Variants in A4GALT observed in about 807,000 individuals in gnomAD.
A4GALT encodes the protein lactosylceramide 4-alpha-galactosyltransferase.
For synonymous variants in A4GALT, 257 were observed against 220.7 expected (o/e 1.16, Z -1.46); for missense variants, 512 against 486.0 (o/e 1.05, Z -0.50).
At chr22:42,696,121 C>CAAAAAAAAAAAAAAAAAAAA (rs1296048741) in intron 1 of A4GALT, among the ~76,000 whole-genome samples, 2 of 53,906 alleles carry the variant, frequency 3.7e-5, no homozygotes, top group Non-Finnish European at 6.2e-5. Context: ...GACTCTATCT[C>CAAAAAAAAAAAAAAAAAAAA]AAAAAAAAAA....
chr22:42,719,148 A>T (rs1418164085), intron 1 of A4GALT, among the ~76,000 whole-genome samples: 1 of 152,256 alleles, frequency 6.6e-6, no homozygotes, highest in Non-Finnish European at 1.5e-5. Flanking sequence ...TAATGGACCC[A>T]TTAACCTAGC....
chr22:42,694,419 C>G (rs1364161614), intron 2 of A4GALT: 1 of 196,442 alleles, frequency 5.1e-6, no homozygotes, highest in Non-Finnish European at 1.1e-5. Flanking sequence ...GCTCCATAAA[C>G]CAGGCCTGGG....
At chr22:42,704,117 C>T (rs543886770) in intron 1 of A4GALT, among the ~76,000 whole-genome samples, 10 of 152,240 alleles carry the variant, frequency 6.6e-5, no homozygotes, top group African/African-American at 2.4e-4. Flanking sequence ...TCTTTCAAGG[C>T]ACAAATAAAT....
chr22:42,709,067 A>ATATATATATATATATATTTT (rs1180529043), intron 1 of A4GALT, among the ~76,000 whole-genome samples: 14 of 128,830 alleles, frequency 1.1e-4, no homozygotes, highest in Non-Finnish European at 8.4e-5. Context: ...ATATATATAT[A>ATATATATATATATATATTTT]TTTTTTTTAA....
At chr22:42,696,394 T>G (rs1930935896) in intron 1 of A4GALT, among the ~76,000 whole-genome samples, 1 of 143,118 alleles carries the variant, frequency 7.0e-6, no homozygotes, top group African/African-American at 2.6e-5. Context: ...CACTCCAGCC[T>G]GGACATCAAG....
At chr22:42,699,424 C>T (rs1375606880) in intron 1 of A4GALT, among the ~76,000 whole-genome samples, 4 of 152,186 alleles carry the variant, frequency 2.6e-5, no homozygotes, top group African/African-American at 4.8e-5. Context: ...CTTTGCACTG[C>T]GGACTCATCC....
In A4GALT at chr22:42,692,825, C is replaced by T. The variant is rs758335862; in HGVS notation, c.*65G>A. 1.9e-6 allele frequency: 3 copies of T among 1,584,358 alleles called. No homozygotes were observed. Among genetic ancestry groups the T allele is most frequent in the Non-Finnish European group, 1.7e-6 (2 of 1,168,262 alleles). Reference sequence around the variant, plus strand: ...CCCTCTCCCGGGCCCTCAATCTTGCCTCCCCGGGAAGGGCGGCCCAGTGCC... The same window carrying T: ...CCCTCTCCCGGGCCCTCAATCTTGCTTCCCCGGGAAGGGCGGCCCAGTGCC... On this transcript the variant is annotated 3_prime_UTR_variant, in exon 3 of 3. Transcript: ENST00000642412. The surrounding 1 kb of genome is among the most constrained non-coding windows in gnomAD (Gnocchi z 4.6).
chr22:42,710,733 T>TAAGA (rs1555888040), intron 1 of A4GALT, among the ~76,000 whole-genome samples: 8 of 139,390 alleles, frequency 5.7e-5, no homozygotes, highest in Admixed American at 1.4e-4. Context: ...AATAAATAAA[T>TAAGA]AAGAACAATG....
intron 1 of A4GALT, among the ~76,000 whole-genome samples, chr22:42,709,697 C>T (rs73174947): frequency 0.12 from 18,300 of 151,780 alleles, 1,269 homozygotes; most frequent in African/African-American, 0.19. Context: ...GGCTGAGATA[C>T]GAGAATCGCT....
At position 42,693,460 on chromosome 22, in the gene A4GALT, C is replaced by G; in HGVS notation, c.492G>C (p.Gly164=). The G allele has an allele frequency of 1.2e-6, 2 of 1,613,190 alleles. No individual in the cohort carries two copies. Among genetic ancestry groups the G allele is most frequent in the Non-Finnish European group, 1.7e-6 (2 of 1,179,982 alleles). The change falls in exon 3 of 3, where the codon GGG becomes GGC. Residue 164 remains glycine, a synonymous_variant. Transcript: ENST00000642412. ...CGGGCAGCAGGTAGGGCTCCCAGCG[C>G]CCCTGCACGGCCGCGTACCAGTCGG... ...PLADWYAAVQ[G]RWEPYLLPVL...
chr22:42,713,454 A>G (rs532970547), intron 1 of A4GALT, among the ~76,000 whole-genome samples: 2 of 152,334 alleles, frequency 1.3e-5, no homozygotes, highest in East Asian at 1.9e-4. Context: ...ACAACAGGGA[A>G]GAGAAGGATT....
At chr22:42,699,319 A>C (rs1485760952) in intron 1 of A4GALT, among the ~76,000 whole-genome samples, 3 of 152,102 alleles carry the variant, frequency 2.0e-5, no homozygotes, top group Non-Finnish European at 4.4e-5. Flanking sequence ...TCCTGACCTC[A>C]AGTGATCCGC....
In A4GALT at chr22:42,692,442, G is replaced by T. The variant is rs1177655206; in HGVS notation, c.*448C>A. 6.5e-6 allele frequency: 2 copies of T among 306,222 alleles called. No homozygotes were observed. Among genetic ancestry groups the T allele is most frequent in the Non-Finnish European group, 1.3e-5 (2 of 155,402 alleles). 19.0% of individuals were successfully genotyped at this position (306,222 alleles called of 1,614,324 possible). On this transcript the variant is annotated 3_prime_UTR_variant, in exon 3 of 3. Transcript: ENST00000642412. The surrounding 1 kb of genome is among the most constrained non-coding windows in gnomAD (Gnocchi z 4.6). ...AAAAGAACAAAGCATCCTCCGCCCC[G>T]GACCCTTGGGGCTGGGTCTCCCCCA... is the stretch of plus-strand genomic sequence containing the variant.
intron 1 of A4GALT, among the ~76,000 whole-genome samples, chr22:42,705,472 G>T (rs142792513): frequency 0.012 from 1,579 of 130,006 alleles, 111 homozygotes; most frequent in African/African-American, 0.039. Flanking sequence ...GCATGGTGGC[G>T]CGTGCCTGTA....
intron 1 of A4GALT, among the ~76,000 whole-genome samples, chr22:42,698,842 G>A (rs1297413062): frequency 3.3e-5 from 5 of 152,048 alleles, no homozygotes; most frequent in South Asian, 2.1e-4. Flanking sequence ...TAGAGAAGCC[G>A]GCCAAAACCC....
chr22:42,693,597 C>T lies in A4GALT; in HGVS notation c.355G>A (p.Gly119Ser). ...TGCCGGGGCAGAGAGGCGTTGCCAC[C>T]CGGAAGCCCTTTCATCAGGACCAGC... ...HVLVLMKGLP[G>S]GNASLPRHLG... The change falls in exon 3 of 3, where the codon GGT (glycine) becomes AGT (serine). Residue 119 changes from glycine (G) to serine (S), a missense_variant. Transcript: ENST00000642412. 2.5e-6 allele frequency: 4 copies of T among 1,613,674 alleles called. No individual in the cohort carries two copies. Among genetic ancestry groups the T allele is most frequent in the Non-Finnish European group, 2.5e-6 (3 of 1,180,016 alleles).
chr22:42,720,561 G>A (rs936613561), intron 1 of A4GALT, among the ~76,000 whole-genome samples: 88 of 152,172 alleles, frequency 5.8e-4, no homozygotes, highest in African/African-American at 1.9e-3. Context: ...GGGGCTCCGG[G>A]TCCCGCCGCC....
chr22:42,719,378 G>T (rs1214049997), intron 1 of A4GALT, among the ~76,000 whole-genome samples: 2 of 152,152 alleles, frequency 1.3e-5, no homozygotes, highest in Non-Finnish European at 2.9e-5. Context: ...TGGGAGGATC[G>T]CTTGAGCCTA....
At chr22:42,709,048 A>AATATATATATAT (rs149743579) in intron 1 of A4GALT, among the ~76,000 whole-genome samples, 19 of 131,212 alleles carry the variant, frequency 1.4e-4, no homozygotes, top group South Asian at 7.6e-4. Context: ...GGAAAATTTA[A>AATATATATATAT]ATATATATAT....
Sources: allele counts gnomAD v4.1 joint callset (sites outside exome capture counted in the v4.1 genomes callset), GRCh38; gene constraint gnomAD v4.1.1; non-coding constraint Gnocchi (gnomAD v3.1); transcripts MANE v1.5; gene names NCBI Gene and HGNC (gene_info 2026-07-23, HGNC 2026-07-21).